GRIK3: variants seen among roughly 807,000 people sequenced by gnomAD.
GRIK3 encodes glutamate receptor ionotropic, kainate 3.
GRIK3 carries 29 observed loss-of-function variants against 102.5 expected under a neutral mutation model. The observed-to-expected ratio is 0.28, with a 90% CI of 0.21 to 0.39. The LOEUF (loss-of-function observed/expected upper bound fraction) is 0.39. Ranked by LOEUF, GRIK3 falls within the 10% of genes least tolerant of loss-of-function variation. GRIK3 has a pLI of 1.00. For missense variants in GRIK3, 908 were observed against 1,252.4 expected (o/e 0.73, Z 4.15); for synonymous variants, 511 against 504.9 (o/e 1.01, Z -0.16).
intron 1 of GRIK3, among the ~76,000 whole-genome samples, chr1:36,916,343 C>T (rs1208461714): frequency 6.6e-6 from 1 of 152,098 alleles, no homozygotes; most frequent in African/African-American, 2.4e-5. Flanking sequence ...TGCAGCCTGA[C>T]AACATGATGG....
At chr1:36,972,159 G>A (rs533776228) in intron 1 of GRIK3, among the ~76,000 whole-genome samples, 1 of 152,206 alleles carries the variant, frequency 6.6e-6, no homozygotes, top group Non-Finnish European at 1.5e-5. Flanking sequence ...GCTCCGCCAC[G>A]TGCTCCGCAT....
At position 36,872,942 on chromosome 1, in the gene GRIK3, G is replaced by C. The variant is rs1305342303; in HGVS notation, c.551-573C>G. 6.6e-6 allele frequency among the ~76,000 whole-genome samples: 1 copy of C among 152,238 alleles called. No homozygotes were observed. The highest frequency in any genetic ancestry group is 6.5e-5 in the Admixed American group (1 of 15,290). On this transcript the variant is annotated intron_variant, in intron 3 of 15. Coordinates refer to ENST00000373091, the MANE Select transcript of GRIK3 (RefSeq NM_000831.4). The surrounding 1 kb of genome is among the most constrained non-coding windows in gnomAD (Gnocchi z 5.9). ...ACCACTGGGCTGGGTAAGGCCAGGAGGTATTTGTGTCTCCGCCCTCGTCCT... is the reference window on the plus strand; with the variant it reads ...ACCACTGGGCTGGGTAAGGCCAGGACGTATTTGTGTCTCCGCCCTCGTCCT...
intron 1 of GRIK3, among the ~76,000 whole-genome samples, chr1:36,939,203 A>G (rs922889378): frequency 1.3e-5 from 2 of 152,222 alleles, no homozygotes; most frequent in Non-Finnish European, 1.5e-5. Context: ...AAAGCTGATC[A>G]TGTGCCCCCA....
intron 8 of GRIK3, among the ~76,000 whole-genome samples, chr1:36,852,832 C>T (rs901423045): frequency 2.0e-5 from 3 of 152,178 alleles, no homozygotes; most frequent in Admixed American, 1.3e-4. Flanking sequence ...CAGAGTGTGG[C>T]TGAGCCCCCA....
rs80132786 is a variant in GRIK3 at position 36,825,208 on chromosome 1, C to T, written c.1754+395G>A. 3.9e-3 allele frequency among the ~76,000 whole-genome samples: 591 copies of T among 152,222 alleles called. 4 individuals are homozygous for T. The highest frequency in any genetic ancestry group is 0.013 in the African/African-American group (558 of 41,506). On this transcript the variant is annotated intron_variant, in intron 11 of 15. Transcript: ENST00000373091. ...CCTGCTGTTGTGGCTTGGATAGACA[C>T]ACCCTGTTTTCCAAGTTCTAAGCCA...
chr1:36,886,604 G>A (rs1471638471), intron 2 of GRIK3, among the ~76,000 whole-genome samples: 1 of 152,208 alleles, frequency 6.6e-6, no homozygotes, highest in African/African-American at 2.4e-5. Flanking sequence ...TCTTAGGCAT[G>A]TCATCACAGG....
intron 1 of GRIK3, among the ~76,000 whole-genome samples, chr1:36,976,426 T>C (rs1367919682): frequency 6.6e-6 from 1 of 152,162 alleles, no homozygotes; most frequent in Non-Finnish European, 1.5e-5. Context: ...CTTTGTGACC[T>C]CTTAAGCAGT....
Position 36,802,194 on chromosome 1 carries a change from C to A in GRIK3, c.2566-149G>T, listed in dbSNP as rs1642450336. On this transcript the variant is annotated intron_variant, in intron 15 of 15. Transcript: ENST00000373091. ...CTTCACCCCACCCATCCCTCTGCCA[C>A]CTGCAGGATGATTAGTTTGTGCAGC... 8 of 590,358 alleles carry A rather than the reference C, an allele frequency of 1.4e-5. No individual in the cohort carries two copies. In the South Asian group the frequency reaches 1.7e-4, roughly 13 times the overall value. The allele number at this position is 590,358 out of a possible 1,614,324, so 36.6% of individuals were successfully genotyped here.
At chr1:36,900,005 CAGT>C in intron 1 of GRIK3, among the ~76,000 whole-genome samples, 1 of 152,314 alleles carries the variant, frequency 6.6e-6, no homozygotes, top group Non-Finnish European at 1.5e-5. Flanking sequence ...GACAGAAAAT[CAGT>C]AAGGTTATAG....
intron 1 of GRIK3, among the ~76,000 whole-genome samples, chr1:36,941,527 CTCTT>C (rs1287898760): frequency 1.3e-5 from 2 of 152,102 alleles, no homozygotes; most frequent in Non-Finnish European, 1.5e-5. Flanking sequence ...GGCTGGCTCT[CTCTT>C]TCTCTCCATC....
At chr1:36,857,742 A>G (rs1640669065) in intron 7 of GRIK3, among the ~76,000 whole-genome samples, 1 of 152,222 alleles carries the variant, frequency 6.6e-6, no homozygotes, top group South Asian at 2.1e-4. Flanking sequence ...GCGATGGTGA[A>G]CTTGGGACCT....
intron 15 of GRIK3, among the ~76,000 whole-genome samples, chr1:36,802,559 CAT>C: frequency 6.6e-6 from 1 of 152,316 alleles, no homozygotes; most frequent in Non-Finnish European, 1.5e-5. Context: ...AAGTCCAGCA[CAT>C]GTTTCTCAAG....
At chr1:36,984,812 G>A (rs1312420819) in intron 1 of GRIK3, among the ~76,000 whole-genome samples, 1 of 152,218 alleles carries the variant, frequency 6.6e-6, no homozygotes, top group Non-Finnish European at 1.5e-5. Flanking sequence ...CAGAAGGGCT[G>A]CAGTGAATGA....
intron 1 of GRIK3, among the ~76,000 whole-genome samples, chr1:36,956,046 C>G (rs969539772): frequency 3.9e-5 from 6 of 152,260 alleles, no homozygotes; most frequent in Non-Finnish European, 8.8e-5. Context: ...CAGAGCGGGG[C>G]CTGTGGGGGC....
intron 1 of GRIK3, among the ~76,000 whole-genome samples, chr1:36,996,070 C>T (rs981551027): frequency 6.6e-6 from 1 of 152,198 alleles, no homozygotes; most frequent in African/African-American, 2.4e-5. Flanking sequence ...TCTGTGTTAG[C>T]CTGTGGTCAG....
At chr1:36,838,684 G>T (rs964988462) in intron 10 of GRIK3, among the ~76,000 whole-genome samples, 3 of 152,272 alleles carry the variant, frequency 2.0e-5, no homozygotes, top group South Asian at 2.1e-4. Context: ...TGGGCCCCGG[G>T]GGGTGGACAC....
intron 1 of GRIK3, among the ~76,000 whole-genome samples, chr1:36,955,518 C>A (rs1641895660): frequency 6.6e-6 from 1 of 152,214 alleles, no homozygotes; most frequent in African/African-American, 2.4e-5. Context: ...ACACAGCACA[C>A]ACAGACATAC....
chr1:36,802,304 G>T (rs576084072), intron 15 of GRIK3, among the ~76,000 whole-genome samples: 5 of 152,268 alleles, frequency 3.3e-5, no homozygotes, highest in Admixed American at 3.3e-4. Context: ...GCAAACTGAG[G>T]TTCTGAATGG....
intron 4 of GRIK3, among the ~76,000 whole-genome samples, chr1:36,870,792 A>G (rs1640834239): frequency 6.6e-6 from 1 of 152,174 alleles, no homozygotes. Context: ...TAAATTGGGC[A>G]CAAGAATTCT....
Sources: allele counts gnomAD v4.1 joint callset (sites outside exome capture counted in the v4.1 genomes callset), GRCh38; gene constraint gnomAD v4.1.1; non-coding constraint Gnocchi (gnomAD v3.1); transcripts MANE v1.5; gene names NCBI Gene and HGNC (gene_info 2026-07-23, HGNC 2026-07-21).